PIK3CB: variants seen among roughly 807,000 people sequenced by gnomAD.
PIK3CB encodes phosphatidylinositol-4,5-bisphosphate 3-kinase catalytic subunit beta.
Under a neutral mutation model 136.8 loss-of-function variants are expected in PIK3CB, and 39 were observed. The observed-to-expected ratio is 0.29, with a 90% CI of 0.22 to 0.37. PIK3CB has a LOEUF of 0.37. Ranked by LOEUF, PIK3CB falls within the 10% of genes least tolerant of loss-of-function variation. PIK3CB has a pLI of 1.00. For synonymous variants in PIK3CB, 428 were observed against 436.6 expected (o/e 0.98, Z 0.25); for missense variants, 868 against 1,275.4 (o/e 0.68, Z 4.87).
intron 1 of PIK3CB, among the ~76,000 whole-genome samples, chr3:138,807,364 G>A (rs2046245646): frequency 6.6e-6 from 1 of 152,112 alleles, no homozygotes; most frequent in South Asian, 2.1e-4. Flanking sequence ...AACATGGGAG[G>A]TGGAGGTTGC....
At chr3:138,734,276 G>T (rs1462434213) in intron 7 of PIK3CB, among the ~76,000 whole-genome samples, 1 of 152,132 alleles carries the variant, frequency 6.6e-6, no homozygotes, top group African/African-American at 2.4e-5. Context: ...TAAGCTGATA[G>T]AAATGAAATA....
At chr3:138,809,664 G>A (rs1428846984) in intron 1 of PIK3CB, among the ~76,000 whole-genome samples, 1 of 151,106 alleles carries the variant, frequency 6.6e-6, no homozygotes, top group Non-Finnish European at 1.5e-5. Context: ...TGGAGTAGGA[G>A]TTTACAGCAG....
At chr3:138,758,161 T>C (rs535081882) in intron 3 of PIK3CB, among the ~76,000 whole-genome samples, 1 of 152,160 alleles carries the variant, frequency 6.6e-6, no homozygotes, top group Non-Finnish European at 1.5e-5. Context: ...TACAAAAGGA[T>C]AGCTATTTAT....
At chr3:138,691,853 A>C (rs1055446643) in intron 14 of PIK3CB, among the ~76,000 whole-genome samples, 1 of 152,220 alleles carries the variant, frequency 6.6e-6, no homozygotes, top group Admixed American at 6.5e-5. Context: ...CATGCTAAAA[A>C]ATTTGTGCTT....
chr3:138,811,288 C>T (rs1011815333), intron 1 of PIK3CB, among the ~76,000 whole-genome samples: 2 of 144,488 alleles, frequency 1.4e-5, no homozygotes, highest in African/African-American at 5.1e-5. Context: ...TGTCATGGCA[C>T]CACTAAGGAC....
At chr3:138,732,241 C>G (rs2044993750) in intron 8 of PIK3CB, among the ~76,000 whole-genome samples, 1 of 152,056 alleles carries the variant, frequency 6.6e-6, no homozygotes, top group African/African-American at 2.4e-5. Flanking sequence ...ATATTATTAA[C>G]TATAGTCTTC....
intron 8 of PIK3CB, among the ~76,000 whole-genome samples, chr3:138,724,684 C>A (rs1255445599): frequency 6.6e-6 from 1 of 152,126 alleles, no homozygotes; most frequent in African/African-American, 2.4e-5. Flanking sequence ...ACCCAGATTC[C>A]ATGGGTCTTG....
In PIK3CB at chr3:138,657,615, T is replaced by A. The variant is rs2043215190; in HGVS notation, c.2942+75A>T. On this transcript the variant is annotated intron_variant, in intron 22 of 23. Transcript: ENST00000674063. Reference sequence around the variant, plus strand: ...CTCCCAGATCCAAATATATCTCAGCTAAGAAATGCTGGTCCACCTGGTCAG... The same window carrying A: ...CTCCCAGATCCAAATATATCTCAGCAAAGAAATGCTGGTCCACCTGGTCAG... The A allele has an allele frequency of 2.3e-6, 3 of 1,287,806 alleles. No individual in the cohort carries two copies. In the Admixed American group the frequency reaches 6.0e-5, roughly 26 times the overall value. The allele number at this position is 1,287,806 out of a possible 1,614,324, so 79.8% of individuals were successfully genotyped here. A position where few individuals can be genotyped will look rare whatever the true frequency, so the allele number is the denominator to read the frequency against.
intron 12 of PIK3CB, among the ~76,000 whole-genome samples, chr3:138,699,552 T>C (rs558458723): frequency 1.3e-5 from 2 of 151,630 alleles, no homozygotes; most frequent in Non-Finnish European, 2.9e-5. Context: ...GTTATAAGAC[T>C]AGAAGACTGA....
intron 6 of PIK3CB, among the ~76,000 whole-genome samples, chr3:138,736,818 T>C (rs1252360850): frequency 6.6e-6 from 1 of 152,190 alleles, no homozygotes; most frequent in South Asian, 2.1e-4. Context: ...GCAAAATTCT[T>C]GCCATTCATG....
At chr3:138,745,498 T>C (rs1365896566) in intron 4 of PIK3CB, among the ~76,000 whole-genome samples, 3 of 151,876 alleles carry the variant, frequency 2.0e-5, no homozygotes, top group African/African-American at 7.3e-5. Context: ...CCAGACATGG[T>C]GGTGTGTGCC....
chr3:138,826,440 G>A (rs1933783168), intron 1 of PIK3CB: 1 of 751,552 alleles, frequency 1.3e-6, no homozygotes, highest in Non-Finnish European at 2.1e-6. Context: ...ACTGGTTAAT[G>A]ATAACAATGC....
intron 18 of PIK3CB, among the ~76,000 whole-genome samples, chr3:138,682,999 A>C (rs532700984): frequency 6.6e-6 from 1 of 152,204 alleles, no homozygotes; most frequent in African/African-American, 2.4e-5. Flanking sequence ...TCAAAATACA[A>C]AACTATGGCA....
At chr3:138,811,609 A>G (rs1933062087) in intron 1 of PIK3CB, among the ~76,000 whole-genome samples, 2 of 152,004 alleles carry the variant, frequency 1.3e-5, no homozygotes, top group Non-Finnish European at 2.9e-5. Context: ...TATTTTTAGT[A>G]GAGACGGGGT....
At chr3:138,734,948 A>G (rs936312493) in intron 6 of PIK3CB, 144 bp from the exon 7 acceptor site, 3 of 405,258 alleles carry the variant, frequency 7.4e-6, no homozygotes, top group African/African-American at 6.2e-5. Context: ...ATTAAAAAAA[A>G]AAAATTTTTT....
chr3:138,790,866 G>T (rs2108814148), intron 2 of PIK3CB, among the ~76,000 whole-genome samples: 2 of 150,930 alleles, frequency 1.3e-5, no homozygotes, highest in South Asian at 4.2e-4. Flanking sequence ...AGGAGGCTGA[G>T]GCAGGAGAAT....
chr3:138,730,553 T>G (rs541713187), intron 8 of PIK3CB, among the ~76,000 whole-genome samples: 3 of 152,288 alleles, frequency 2.0e-5, no homozygotes, highest in Non-Finnish European at 2.9e-5. Flanking sequence ...TATAAATTAC[T>G]AAACAAAACC....
chr3:138,774,472 C>T (rs192072165), intron 2 of PIK3CB, among the ~76,000 whole-genome samples: 70 of 152,332 alleles, frequency 4.6e-4, no homozygotes, highest in African/African-American at 1.7e-3. Context: ...GTTTCTCACT[C>T]CAATGAGTGG....
intron 4 of PIK3CB, among the ~76,000 whole-genome samples, chr3:138,745,901 G>T (rs979350114): frequency 1.3e-4 from 20 of 152,080 alleles, no homozygotes; most frequent in African/African-American, 4.8e-4. Context: ...CCTAATAAAT[G>T]ACCTTTGTGG....
Sources: allele counts gnomAD v4.1 joint callset (sites outside exome capture counted in the v4.1 genomes callset), GRCh38; gene constraint gnomAD v4.1.1; transcripts MANE v1.5; gene names NCBI Gene and HGNC (gene_info 2026-07-23, HGNC 2026-07-21).